Variants in STXBP5 observed in about 807,000 individuals in gnomAD.
STXBP5 encodes syntaxin-binding protein 5.
A neutral mutation model predicts 152.4 loss-of-function variants in STXBP5; 50 were observed. The observed-to-expected ratio is 0.33, with a 90% CI of 0.26 to 0.42. The LOEUF (loss-of-function observed/expected upper bound fraction) is 0.42. Ranked by LOEUF, STXBP5 falls within the 10% of genes least tolerant of loss-of-function variation. The probability of loss-of-function intolerance (pLI) is 1.00; values close to 1 mark genes in which losing one functional copy is unlikely to be tolerated. For missense variants in STXBP5, 1,167 were observed against 1,388.6 expected (o/e 0.84, Z 2.54); for synonymous variants, 492 against 494.7 (o/e 0.99, Z 0.07).
intron 8 of STXBP5, among the ~76,000 whole-genome samples, 162 bp from the exon 9 acceptor site, chr6:147,290,932 T>C (rs1371314226): frequency 1.3e-5 from 2 of 151,948 alleles, no homozygotes; most frequent in Non-Finnish European, 2.9e-5. Context: ...TGCTTGATCA[T>C]TTAAAAAATA....
chr6:147,212,038 A>G (rs1418265147), intron 2 of STXBP5, among the ~76,000 whole-genome samples: 1 of 152,212 alleles, frequency 6.6e-6, no homozygotes, highest in Admixed American at 6.5e-5. Flanking sequence ...CTCCTCATTC[A>G]AGAGGACATT....
chr6:147,217,003 C>G (rs1777203272), intron 2 of STXBP5, among the ~76,000 whole-genome samples: 1 of 152,168 alleles, frequency 6.6e-6, no homozygotes, highest in Non-Finnish European at 1.5e-5. Context: ...CAGTCTGGAA[C>G]TTTGAAGCTT....
At chr6:147,255,391 T>C (rs1181511510) in intron 4 of STXBP5, among the ~76,000 whole-genome samples, 1 of 152,178 alleles carries the variant, frequency 6.6e-6, no homozygotes, top group Non-Finnish European at 1.5e-5. Context: ...CACAAAGTCA[T>C]GAAGCAATCT....
At chr6:147,265,994 G>A (rs1779874955) in intron 6 of STXBP5, among the ~76,000 whole-genome samples, 1 of 151,966 alleles carries the variant, frequency 6.6e-6, no homozygotes, top group African/African-American at 2.4e-5. Flanking sequence ...GCTTCCCAGA[G>A]GAAACGATCA....
At chr6:147,299,265 A>C (rs2850177) in intron 9 of STXBP5, among the ~76,000 whole-genome samples, 65,367 of 150,734 alleles carry the variant, frequency 0.43, 14,451 homozygotes, top group East Asian at 0.72. Flanking sequence ...AAAAAAGTGT[A>C]TGAAGTTCTG....
chr6:147,340,044 G>A (rs1784020896), intron 21 of STXBP5, among the ~76,000 whole-genome samples: 1 of 152,014 alleles, frequency 6.6e-6, no homozygotes, highest in Non-Finnish European at 1.5e-5. Context: ...AAGTTCAGAT[G>A]TTCTCCAAAG....
intron 21 of STXBP5, among the ~76,000 whole-genome samples, chr6:147,347,295 A>G (rs1582977861): frequency 6.6e-6 from 1 of 152,198 alleles, no homozygotes; most frequent in African/African-American, 2.4e-5. Flanking sequence ...AGAGTTTTCA[A>G]GGATGAAGGT....
intron 5 of STXBP5, 50 bp downstream of exon 5, chr6:147,260,799 A>G (rs1346547624): frequency 1.4e-5 from 22 of 1,580,336 alleles, no homozygotes; most frequent in East Asian, 2.2e-5. Flanking sequence ...TCTATATATA[A>G]TAATACCGTT....
At chr6:147,270,320 A>C (rs377436504) in intron 7 of STXBP5, among the ~76,000 whole-genome samples, 16 of 149,510 alleles carry the variant, frequency 1.1e-4, no homozygotes, top group South Asian at 4.2e-4. Flanking sequence ...AATGGCTTGA[A>C]CCTGGGAGAC....
chr6:147,217,485 A>G (rs1253624973), intron 2 of STXBP5, among the ~76,000 whole-genome samples: 1 of 152,242 alleles, frequency 6.6e-6, no homozygotes, highest in African/African-American at 2.4e-5. Flanking sequence ...CTTTAAAAGT[A>G]TATTTATCTA....
chr6:147,291,168 T>A lies in STXBP5; in HGVS notation c.913T>A (p.Ser305Thr), dbSNP rs1364044805. Reference protein sequence around the residue: ...ILKVEFKTTRSGEPFIILSGG... With the variant: ...ILKVEFKTTRTGEPFIILSGG... ...CAAGGTGGAATTCAAAACGACTAGA[T>A]CTGGGTAAGATTTTACTTCATTGCC... Residue 305 changes from serine (S) to threonine (T), a missense_variant, in exon 9 of 28, where the codon TCT becomes ACT. Physicochemically the swap from Ser to Thr is moderately conservative, Grantham distance 58 (BLOSUM62 1). Transcript: ENST00000321680. 3 of 1,612,256 alleles carry A rather than the reference T, an allele frequency of 1.9e-6. No homozygotes were observed. The highest frequency in any genetic ancestry group is 1.3e-5 in the African/African-American group (1 of 74,994).
intron 2 of STXBP5, among the ~76,000 whole-genome samples, chr6:147,227,130 C>T (rs892550937): frequency 2.6e-5 from 4 of 152,016 alleles, no homozygotes; most frequent in Non-Finnish European, 5.9e-5. Flanking sequence ...TTGTGTGGAT[C>T]TAGAGAGAGA....
At chr6:147,353,830 A>G (rs1784699666) in intron 22 of STXBP5, among the ~76,000 whole-genome samples, 1 of 152,192 alleles carries the variant, frequency 6.6e-6, no homozygotes, top group South Asian at 2.1e-4. Context: ...TTTGATTATA[A>G]TAAGTTGGGA....
At chr6:147,292,679 A>G (rs1229618964) in intron 9 of STXBP5, 1 of 152,754 alleles carries the variant, frequency 6.5e-6, no homozygotes, top group Non-Finnish European at 1.5e-5. Context: ...TACAAAATGA[A>G]TTGGCTAAAT....
At chr6:147,315,050 A>G (rs1007237223) in intron 14 of STXBP5, among the ~76,000 whole-genome samples, 1 of 78,402 alleles carries the variant, frequency 1.3e-5, no homozygotes, top group African/African-American at 1.2e-4. Flanking sequence ...GCCTTTAATG[A>G]TTAATGTTTC....
chr6:147,339,234 A>G lies in STXBP5; in HGVS notation c.2202A>G (p.Glu734=), dbSNP rs1562255766. ...DDEQKMNNFI[E]KVKTKSRKFS... ...AACAAAAAATGAATAATTTTATAGAAAAGGGTATAGTATCTTGATTTTAAA... is the reference window on the plus strand; with the variant it reads ...AACAAAAAATGAATAATTTTATAGAGAAGGGTATAGTATCTTGATTTTAAA... Residue 734 remains glutamate (E), a synonymous_variant, in exon 20 of 28, where the codon GAA becomes GAG. Transcript: ENST00000321680. The G allele has an allele frequency of 6.5e-7, 1 of 1,536,330 alleles. No homozygotes were observed. Among genetic ancestry groups the G allele is most frequent in the East Asian group, 2.5e-5 (1 of 40,418 alleles).
intron 22 of STXBP5, among the ~76,000 whole-genome samples, chr6:147,354,530 CT>C (rs1784731980): frequency 6.6e-6 from 1 of 151,388 alleles, no homozygotes; most frequent in African/African-American, 2.4e-5. Flanking sequence ...CATTTTTCCC[CT>C]ATAGCAGAAT....
intron 23 of STXBP5, among the ~76,000 whole-genome samples, chr6:147,360,575 A>T (rs898382733): frequency 1.3e-5 from 2 of 152,178 alleles, no homozygotes; most frequent in Non-Finnish European, 2.9e-5. Flanking sequence ...TACCTCAAGC[A>T]AAAGAATGCT....
chr6:147,352,198 G>A (rs1784617065), intron 21 of STXBP5, among the ~76,000 whole-genome samples: 1 of 152,160 alleles, frequency 6.6e-6, no homozygotes, highest in African/African-American at 2.4e-5. Context: ...TTTAGATTAT[G>A]CATGATCTTA....
Sources: gnomAD v4.1 joint callset for allele counts (sites outside exome capture counted in the v4.1 genomes callset) on GRCh38, gnomAD v4.1.1 for gene constraint, MANE v1.5 for transcripts, NCBI Gene and HGNC (gene_info 2026-07-23, HGNC 2026-07-21) for gene names.